PAPPA2: variants seen among roughly 807,000 people sequenced by gnomAD.
The protein encoded by PAPPA2 is pappalysin 2, also known as pappalysin-2.
PAPPA2 carries 86 observed loss-of-function variants against 176.4 expected under a neutral mutation model. That is an observed-to-expected ratio of 0.49 (90% CI 0.41 to 0.58). The LOEUF (loss-of-function observed/expected upper bound fraction) is 0.58. PAPPA2 is among the 20% of genes least tolerant of loss of function. PAPPA2 has a pLI of 0.00. For synonymous variants in PAPPA2, 809 were observed against 852.2 expected, an observed-to-expected ratio of 0.95 and a Z score of 0.88; for missense variants, 2,073 against 2,256.9, an observed-to-expected ratio of 0.92 and a Z score of 1.65.
At chr1:176,778,048 TA>T (rs57909250) in intron 17 of PAPPA2, among the ~76,000 whole-genome samples, 8,771 of 130,432 alleles carry the variant, frequency 0.067, 773 homozygotes, top group African/African-American at 0.22. Context: ...CAAAACAAAT[TA>T]AAAAAAAAAA....
chr1:176,768,358 C>T (rs1231800394), intron 15 of PAPPA2, among the ~76,000 whole-genome samples: 2 of 152,280 alleles, frequency 1.3e-5, no homozygotes, highest in East Asian at 3.9e-4. Context: ...CCTCCTCCAG[C>T]TCCTGTTATA....
chr1:176,742,416 G>A (rs1255881422), intron 14 of PAPPA2, among the ~76,000 whole-genome samples: 3 of 152,214 alleles, frequency 2.0e-5, no homozygotes, highest in East Asian at 3.9e-4. Context: ...AATTACTGCC[G>A]CTAGTTCTTC....
chr1:176,665,293 C>T (rs763654220), intron 3 of PAPPA2, among the ~76,000 whole-genome samples: 3 of 152,108 alleles, frequency 2.0e-5, no homozygotes, highest in Non-Finnish European at 4.4e-5. Flanking sequence ...AATTCATGCC[C>T]ACCAGTTCTG....
intron 1 of PAPPA2, among the ~76,000 whole-genome samples, chr1:176,485,455 C>G (rs1458521094): frequency 6.6e-6 from 1 of 152,174 alleles, no homozygotes; most frequent in Non-Finnish European, 1.5e-5. Flanking sequence ...ATGATTCACT[C>G]TCCCACTCTT....
intron 21 of PAPPA2, among the ~76,000 whole-genome samples, chr1:176,820,136 A>T (rs1032330871): frequency 6.6e-6 from 1 of 152,170 alleles, no homozygotes; most frequent in Admixed American, 6.5e-5. Context: ...AACTAAAAAC[A>T]AAACAAAACA....
chr1:176,591,990 G>C (rs1653694971), intron 2 of PAPPA2, among the ~76,000 whole-genome samples: 1 of 152,148 alleles, frequency 6.6e-6, no homozygotes, highest in Non-Finnish European at 1.5e-5. Flanking sequence ...TGAGGAATTT[G>C]ATTTCTTTTG....
chr1:176,747,249 A>C (rs766231028), intron 14 of PAPPA2, among the ~76,000 whole-genome samples: 17 of 152,344 alleles, frequency 1.1e-4, no homozygotes, highest in African/African-American at 3.6e-4. Flanking sequence ...ACATCTACTT[A>C]TGTGAACGGG....
At position 176,793,540 on chromosome 1, in the gene PAPPA2, G is replaced by T. The variant is rs760466092; in HGVS notation, c.5021-20G>T. 1 of 1,574,476 alleles carries T rather than the reference G, an allele frequency of 6.4e-7. No individual in the cohort carries two copies. The highest frequency in any genetic ancestry group is 1.7e-5 in the Admixed American group (1 of 59,276). On this transcript the variant is annotated intron_variant, in intron 19 of 22. Coordinates refer to ENST00000367662, the MANE Select transcript of PAPPA2 (RefSeq NM_020318.3). ...GATCTGGGAAGTTCAAGTCTCTGCT[G>T]TAAACTTCTGTTCTTTCAGGTGCAG...
chr1:176,761,056 C>T (rs186795793), intron 14 of PAPPA2, among the ~76,000 whole-genome samples: 9 of 152,184 alleles, frequency 5.9e-5, no homozygotes, highest in African/African-American at 2.2e-4. Flanking sequence ...CTCCTGACCT[C>T]GTGATCCGCC....
chr1:176,752,470 C>T (rs908478925), intron 14 of PAPPA2, among the ~76,000 whole-genome samples: 1 of 151,806 alleles, frequency 6.6e-6, no homozygotes, highest in Admixed American at 6.6e-5. Flanking sequence ...ACATACCTGC[C>T]TTGCTTTGCT....
intron 17 of PAPPA2, among the ~76,000 whole-genome samples, chr1:176,787,073 G>A (rs755138637): frequency 1.3e-5 from 2 of 151,860 alleles, no homozygotes; most frequent in Non-Finnish European, 2.9e-5. Flanking sequence ...CCCTGAACCT[G>A]AAAGTTGGAA....
At chr1:176,749,854 C>T (rs924112484) in intron 14 of PAPPA2, among the ~76,000 whole-genome samples, 1 of 152,106 alleles carries the variant, frequency 6.6e-6, no homozygotes, top group Non-Finnish European at 1.5e-5. Context: ...GAATGTACAA[C>T]CGTTTATTTA....
intron 12 of PAPPA2, among the ~76,000 whole-genome samples, chr1:176,721,244 C>A (rs1661601158): frequency 6.6e-6 from 1 of 152,196 alleles, no homozygotes; most frequent in Admixed American, 6.5e-5. Context: ...TGTTGAGAGT[C>A]TGGTATAAAT....
chr1:176,691,218 A>G (rs1212216145), intron 5 of PAPPA2: 3 of 959,426 alleles, frequency 3.1e-6, no homozygotes, highest in Non-Finnish European at 3.7e-6. Context: ...CAATGGTGAA[A>G]GAAGATATTT....
intron 1 of PAPPA2, among the ~76,000 whole-genome samples, chr1:176,535,670 A>G (rs1650032982): frequency 6.6e-6 from 1 of 152,176 alleles, no homozygotes; most frequent in Non-Finnish European, 1.5e-5. Context: ...GAATGGGATC[A>G]GACAGACCTA....
chr1:176,512,163 G>A (rs1648638064), intron 1 of PAPPA2, among the ~76,000 whole-genome samples: 1 of 148,976 alleles, frequency 6.7e-6, no homozygotes, highest in South Asian at 2.1e-4. Context: ...TTATTCATCG[G>A]GAAAAGCAAT....
At chr1:176,656,866 T>C (rs569347184) in intron 3 of PAPPA2, among the ~76,000 whole-genome samples, 1 of 151,952 alleles carries the variant, frequency 6.6e-6, no homozygotes, top group Admixed American at 6.6e-5. Context: ...TCTGTTTTTT[T>C]TTGAAATAGA....
At chr1:176,819,212 G>A (rs189336012) in intron 21 of PAPPA2, among the ~76,000 whole-genome samples, 65 of 152,298 alleles carry the variant, frequency 4.3e-4, no homozygotes, top group Non-Finnish European at 5.9e-4. Context: ...GAAGCCACTT[G>A]ACCATGATAG....
rs1316588230 is a variant in PAPPA2, at chr1:176,740,119, G to A, written c.4074G>A (p.Arg1358=). ...TCGGCATCTCAGCTGTGGCTCTAAG[G>A]ACATCCTCCCGCATTGGTCTTTCGG... ...PRVGISAVAL[R]TSSRIGLSAP... is the part of the protein sequence containing the mutation. Residue 1358 remains arginine, a synonymous_variant, in exon 14 of 23, where the codon AGG becomes AGA. Transcript: ENST00000367662. The A allele has an allele frequency of 2.5e-6, 4 of 1,613,714 alleles. No homozygotes were observed. In the South Asian group the frequency reaches 4.4e-5, roughly 18 times the overall value.
Sources: gnomAD v4.1 joint callset for allele counts (sites outside exome capture counted in the v4.1 genomes callset) on GRCh38, gnomAD v4.1.1 for gene constraint, MANE v1.5 for transcripts, NCBI Gene and HGNC (gene_info 2026-07-23, HGNC 2026-07-21) for gene names.